TNS3: variants seen among roughly 807,000 people sequenced by gnomAD.
TNS3 encodes tensin 3, also known as tensin-3.
A neutral mutation model predicts 140.9 loss-of-function variants in TNS3; 45 were observed. That is an observed-to-expected ratio of 0.32 (90% CI 0.25 to 0.41). The LOEUF is 0.41. TNS3 is among the 10% of genes least tolerant of loss of function. TNS3 has a pLI of 1.00. For synonymous variants in TNS3, 815 were observed against 788.4 expected (o/e 1.03, Z -0.56); for missense variants, 1,716 against 1,906.7 (o/e 0.90, Z 1.86).
At chr7:47,465,140 G>A (rs1025551903) in intron 4 of TNS3, among the ~76,000 whole-genome samples, 2 of 152,214 alleles carry the variant, frequency 1.3e-5, no homozygotes, top group African/African-American at 4.8e-5. Context: ...GCTTTATGAA[G>A]CAAGTGTTAC....
At chr7:47,394,782 C>T (rs948396867) in intron 16 of TNS3, among the ~76,000 whole-genome samples, 6 of 152,254 alleles carry the variant, frequency 3.9e-5, no homozygotes, top group African/African-American at 1.4e-4. Context: ...ATAAAATCAA[C>T]GTAGGTCCTT....
chr7:47,455,826 C>T (rs1796222682), intron 4 of TNS3, among the ~76,000 whole-genome samples: 1 of 152,182 alleles, frequency 6.6e-6, no homozygotes, highest in Non-Finnish European at 1.5e-5. Context: ...TAGAAAGCAT[C>T]TGATACAAAG....
At chr7:47,280,814 G>A (rs1203027005) in intron 28 of TNS3, among the ~76,000 whole-genome samples, 1 of 152,096 alleles carries the variant, frequency 6.6e-6, no homozygotes, top group African/African-American at 2.4e-5. Context: ...TTGGGAGGTG[G>A]AAACAGGAGA....
At chr7:47,438,564 C>G (rs1468026602) in intron 6 of TNS3, among the ~76,000 whole-genome samples, 1 of 152,130 alleles carries the variant, frequency 6.6e-6, no homozygotes. Flanking sequence ...ACTGCCAGGT[C>G]ACAGACAAGA....
intron 4 of TNS3, among the ~76,000 whole-genome samples, chr7:47,452,172 CA>C (rs1562760374): frequency 6.6e-6 from 1 of 152,236 alleles, no homozygotes; most frequent in Non-Finnish European, 1.5e-5. Context: ...CCTGGAAATG[CA>C]CTTTATCCAC....
At chr7:47,289,872 T>C (rs752586429) in intron 27 of TNS3, among the ~76,000 whole-genome samples, 1 of 152,210 alleles carries the variant, frequency 6.6e-6, no homozygotes, top group Non-Finnish European at 1.5e-5. Context: ...GCAACTTATT[T>C]TGTGGATATT....
At chr7:47,440,222 G>A (rs938844093) in intron 5 of TNS3, among the ~76,000 whole-genome samples, 1 of 152,156 alleles carries the variant, frequency 6.6e-6, no homozygotes, top group Non-Finnish European at 1.5e-5. Flanking sequence ...AGCTATGGTC[G>A]TGGAGGACCC....
Position 47,303,118 on chromosome 7 carries a change from G to T in TNS3, c.3289C>A (p.Pro1097Thr), listed in dbSNP as rs994809285. 6.2e-7 allele frequency: 1 copy of T among 1,613,926 alleles called. No homozygotes were observed. Among genetic ancestry groups the T allele is most frequent in the Non-Finnish European group, 8.5e-7 (1 of 1,179,962 alleles). ...GQGVTLPGQP[P>T]LPEKKRASEG... Reference sequence around the variant, plus strand: ...GAGGCCCGCTTCTTCTCAGGGAGGGGTGGCTGCCCGGGCAGGGTCACACCC... The same window carrying T: ...GAGGCCCGCTTCTTCTCAGGGAGGGTTGGCTGCCCGGGCAGGGTCACACCC... The change falls in exon 22 of 31, where the codon CCC becomes ACC. Residue 1097 changes from proline to threonine, a missense_variant. Coordinates refer to ENST00000311160, the MANE Select transcript of TNS3 (RefSeq NM_022748.12).
At chr7:47,455,148 C>T (rs937375939) in intron 4 of TNS3, among the ~76,000 whole-genome samples, 3 of 152,192 alleles carry the variant, frequency 2.0e-5, no homozygotes, top group African/African-American at 7.2e-5. Context: ...GCAAGACCCA[C>T]AGATGCTGAC....
intron 20 of TNS3, among the ~76,000 whole-genome samples, chr7:47,339,198 G>A (rs937451716): frequency 3.3e-5 from 5 of 152,082 alleles, no homozygotes; most frequent in Non-Finnish European, 7.4e-5. Context: ...TAGCAAAAAT[G>A]TTTAATTTTT....
At chr7:47,292,791 T>C (rs1326363949) in intron 26 of TNS3, 37 bp downstream of exon 26, 5 of 1,587,644 alleles carry the variant, frequency 3.1e-6, no homozygotes, top group African/African-American at 1.3e-5. Flanking sequence ...CTGCAGACAA[T>C]CTACACAGAG....
rs373937533 is a variant in TNS3, at chr7:47,345,051, C to T, written c.2452-13G>A. 105 of 1,606,658 alleles carry T rather than the reference C, an allele frequency of 6.5e-5. No homozygotes were observed. Among genetic ancestry groups the T allele is most frequent in the Non-Finnish European group, 8.6e-5 (101 of 1,174,568 alleles). ...CAGGGGTCATCGTCTGAAATTGGCA[C>T]AGGGAGTAGAATGTGAGAACAGGGA... is the stretch of plus-strand genomic sequence containing the variant. On this transcript the variant is annotated splice_polypyrimidine_tract_variant and intron_variant, in intron 18 of 30. Coordinates refer to ENST00000311160, the MANE Select transcript of TNS3 (RefSeq NM_022748.12).
At chr7:47,484,558 G>A (rs1284855578) in intron 3 of TNS3, among the ~76,000 whole-genome samples, 2 of 152,320 alleles carry the variant, frequency 1.3e-5, no homozygotes, top group Middle Eastern at 3.4e-3. Context: ...GGGACTGTGC[G>A]ACGGTGCTAT....
chr7:47,373,403 C>T (rs761272384), intron 16 of TNS3, among the ~76,000 whole-genome samples: 1 of 152,220 alleles, frequency 6.6e-6, no homozygotes, highest in African/African-American at 2.4e-5. Context: ...GTACCCAGCT[C>T]ATAGGCTCCA....
chr7:47,567,673 G>A (rs867623622), intron 1 of TNS3, among the ~76,000 whole-genome samples: 2 of 121,730 alleles, frequency 1.6e-5, no homozygotes, highest in East Asian at 2.4e-4. Flanking sequence ...AACAGAGCGA[G>A]ACTCGGTCTC....
intron 16 of TNS3, among the ~76,000 whole-genome samples, chr7:47,375,778 G>A (rs1014699867): frequency 7.2e-5 from 11 of 152,162 alleles, no homozygotes; most frequent in African/African-American, 2.7e-4. Flanking sequence ...TCACACTTCA[G>A]CACCCTCCAT....
At chr7:47,355,418 G>A (rs1789937788) in intron 17 of TNS3, among the ~76,000 whole-genome samples, 1 of 152,116 alleles carries the variant, frequency 6.6e-6, no homozygotes, top group African/African-American at 2.4e-5. Flanking sequence ...GTCCTTGACT[G>A]GGGGCACCCA....
intron 17 of TNS3, among the ~76,000 whole-genome samples, chr7:47,352,166 C>A (rs1023265338): frequency 1.1e-4 from 17 of 152,116 alleles, no homozygotes; most frequent in Non-Finnish European, 2.4e-4. Context: ...CACTCTCACC[C>A]ACATTCACAC....
intron 4 of TNS3, 66 bp downstream of exon 4, chr7:47,481,037 C>T (rs2151789197): frequency 8.2e-7 from 1 of 1,225,168 alleles, no homozygotes; most frequent in East Asian, 5.7e-5. Flanking sequence ...GAGGGAGCAG[C>T]TTCAAGAAAG....
Sources: gnomAD v4.1 joint callset for allele counts (sites outside exome capture counted in the v4.1 genomes callset) on GRCh38, gnomAD v4.1.1 for gene constraint, MANE v1.5 for transcripts, NCBI Gene and HGNC (gene_info 2026-07-23, HGNC 2026-07-21) for gene names.